GARRE1: variants seen among roughly 807,000 people sequenced by gnomAD.
The protein encoded by GARRE1 is granule associated Rac and RHOG effector 1.
A neutral mutation model predicts 103.2 loss-of-function variants in GARRE1; 49 were observed. That is an observed-to-expected ratio of 0.47 (90% confidence interval 0.38 to 0.60). The LOEUF is 0.60. Among genes scored for constraint, GARRE1 ranks in the 20% least tolerant of loss-of-function variants. GARRE1 has a pLI of 0.00. For synonymous variants in GARRE1, 505 were observed against 532.8 expected (o/e 0.95, Z 0.72); for missense variants, 1,199 against 1,370.5 (o/e 0.87, Z 1.98).
At chr19:34,275,830 G>A (rs1048012090) in intron 1 of GARRE1, among the ~76,000 whole-genome samples, 2 of 152,144 alleles carry the variant, frequency 1.3e-5, no homozygotes, top group Admixed American at 1.3e-4. Context: ...GTACCATTTT[G>A]TATTACCCTG....
chr19:34,319,944 A>G lies in GARRE1; in HGVS notation c.533A>G (p.His178Arg). The change falls in exon 3 of 14, where the codon CAT (histidine) becomes CGT (arginine). Residue 178 changes from histidine (H) to arginine (R), a missense_variant. His to Arg is a conservative substitution (Grantham distance 29). Transcript: ENST00000299505. ...GRCFLTVVQVHFQFLTHALQK... is the reference protein window; with the variant it reads ...GRCFLTVVQVRFQFLTHALQK... ...TGTTTCCTGACTGTGGTGCAAGTCC[A>G]TTTCCAGTTTTTGACTCATGCGTTA... is the stretch of plus-strand genomic sequence containing the variant. The G allele has an allele frequency of 6.2e-7, 1 of 1,614,200 alleles. No individual in the cohort carries two copies. The highest frequency in any genetic ancestry group is 8.5e-7 in the Non-Finnish European group (1 of 1,180,042).
rs977016546 is a variant in GARRE1 at position 34,353,090 on chromosome 19, T to C, written c.*135T>C. ...TGCGCCCCATCCCAGGGAGGGTTCCTTGGGGACAAGGGTGGTTGGCAGCTC... is the reference window on the plus strand; with the variant it reads ...TGCGCCCCATCCCAGGGAGGGTTCCCTGGGGACAAGGGTGGTTGGCAGCTC... On this transcript the variant is annotated 3_prime_UTR_variant, in exon 14 of 14. Coordinates refer to ENST00000299505, the MANE Select transcript of GARRE1 (RefSeq NM_014686.5). 2.4e-6 allele frequency: 2 copies of C among 833,540 alleles called. No homozygotes were observed. Among genetic ancestry groups the C allele is most frequent in the Non-Finnish European group, 3.6e-6 (2 of 550,664 alleles). 51.6% of individuals were successfully genotyped at this position (833,540 alleles called of 1,614,324 possible).
intron 2 of GARRE1, among the ~76,000 whole-genome samples, chr19:34,304,982 C>T (rs1404492564): frequency 1.3e-5 from 2 of 151,904 alleles, no homozygotes; most frequent in African/African-American, 4.8e-5. Context: ...TTAGTAGAAA[C>T]GGGGTTTCAC....
chr19:34,354,231 C>T lies in GARRE1; in HGVS notation c.*1276C>T, dbSNP rs1211165125. ...AGTATTAATATTTTTTTTATATTTT[C>T]TTAAATCATTAAACCATTTTAATAT... On this transcript the variant is annotated 3_prime_UTR_variant, in exon 14 of 14. Transcript: ENST00000299505. 6.6e-6 allele frequency: 1 copy of T among 151,936 alleles called. No homozygotes were observed. Among genetic ancestry groups the T allele is most frequent in the Non-Finnish European group, 1.5e-5 (1 of 67,948 alleles). The allele number at this position is 151,936 out of a possible 1,614,324, so 9.4% of individuals were successfully genotyped here. A position where few individuals can be genotyped will look rare whatever the true frequency, so the allele number is the denominator to read the frequency against.
At chr19:34,350,235 G>A (rs555783893) in intron 12 of GARRE1, among the ~76,000 whole-genome samples, 2 of 152,234 alleles carry the variant, frequency 1.3e-5, no homozygotes, top group South Asian at 2.1e-4. Flanking sequence ...GTGGGGAATC[G>A]GCAGTGGGGT....
rs144930090 is a variant in GARRE1, at chr19:34,352,824, G to A, written c.3082G>A (p.Ala1028Thr). The stretch of plus-strand genomic sequence containing the variant: ...GTGGGCCGCAACCAACGACTGCAGT[G>A]CCGCTGCCTTCTCCTATGTGCAGAC... ...PVWAATNDCS[A>T]AAFSYVQTPP... is the part of the protein sequence containing the mutation. The change falls in exon 14 of 14, where the codon GCC becomes ACC. Residue 1028 changes from alanine (A) to threonine (T), a missense_variant. Coordinates refer to ENST00000299505, the MANE Select transcript of GARRE1 (RefSeq NM_014686.5). 1 of 1,612,654 alleles carries A rather than the reference G, an allele frequency of 6.2e-7. No individual in the cohort carries two copies. The highest frequency in any genetic ancestry group is 8.5e-7 in the Non-Finnish European group (1 of 1,179,460).
At chr19:34,284,839 G>C (rs2073876703) in intron 1 of GARRE1, among the ~76,000 whole-genome samples, 1 of 152,176 alleles carries the variant, frequency 6.6e-6, no homozygotes, top group African/African-American at 2.4e-5. Flanking sequence ...TATGAGGGTG[G>C]AGAAGCATGT....
chr19:34,255,718 C>T (rs1008106327), intron 1 of GARRE1, among the ~76,000 whole-genome samples: 1 of 148,982 alleles, frequency 6.7e-6, no homozygotes, highest in East Asian at 2.0e-4. Flanking sequence ...AGGCTGGTCT[C>T]AAAACTTCTG....
At chr19:34,322,989 C>A (rs1039752708) in intron 3 of GARRE1, among the ~76,000 whole-genome samples, 1 of 146,820 alleles carries the variant, frequency 6.8e-6, no homozygotes, top group Admixed American at 6.8e-5. Context: ...TAGTTCAAAT[C>A]ATTCCATAAT....
intron 1 of GARRE1, among the ~76,000 whole-genome samples, chr19:34,275,246 A>G (rs1489414322): frequency 1.3e-5 from 2 of 151,608 alleles, no homozygotes. Flanking sequence ...CTTTATTGAA[A>G]TATAATTCAC....
intron 1 of GARRE1, among the ~76,000 whole-genome samples, chr19:34,294,022 A>G (rs1053442819): frequency 6.6e-6 from 1 of 151,924 alleles, no homozygotes; most frequent in Admixed American, 6.6e-5. Flanking sequence ...TCAGCCTCCC[A>G]AAGTGCTGGG....
At chr19:34,345,645 C>T (rs2074207564) in intron 10 of GARRE1, among the ~76,000 whole-genome samples, 1 of 152,028 alleles carries the variant, frequency 6.6e-6, no homozygotes, top group African/African-American at 2.4e-5. Context: ...CATGGCGAAA[C>T]CCCGTCTCTA....
chr19:34,278,643 A>G (rs1014679730), intron 1 of GARRE1, among the ~76,000 whole-genome samples: 19 of 151,984 alleles, frequency 1.3e-4, no homozygotes, highest in Middle Eastern at 3.4e-3. Flanking sequence ...TCCAAGGTTC[A>G]TCCATGTTGG....
intron 1 of GARRE1, 48 bp downstream of exon 1, chr19:34,254,662 C>CGGGCGGT (rs1029287961): frequency 3.2e-4 from 32 of 100,656 alleles, no homozygotes; most frequent in East Asian, 5.5e-4. Context: ...CGGGCGGGGT[C>CGGGCGGT]GGGCGGTGGG....
In GARRE1 at chr19:34,311,564, C is replaced by T. The variant is rs150341209; in HGVS notation, c.496-8343C>T. On this transcript the variant is annotated intron_variant, in intron 2 of 13. Coordinates refer to ENST00000299505, the MANE Select transcript of GARRE1 (RefSeq NM_014686.5). ...CGTCTCCATTCCAACCCTGGTCCATCTGCTCTGGATTTGTTTTACCTTAGA... is the reference window on the plus strand; with the variant it reads ...CGTCTCCATTCCAACCCTGGTCCATTTGCTCTGGATTTGTTTTACCTTAGA... Among the ~76,000 whole-genome samples, 190 of 152,298 alleles carry T rather than the reference C, an allele frequency of 1.2e-3. 2 individuals are homozygous for T. In the Middle Eastern group the frequency reaches 0.017, roughly 14 times the overall value.
At chr19:34,352,596 A>G in intron 13 of GARRE1, 51 bp from the exon 14 acceptor site, 1 of 1,488,272 alleles carries the variant, frequency 6.7e-7, no homozygotes, top group East Asian at 2.3e-5. Context: ...GAGGTGGGAA[A>G]TGATGATACA....
At position 34,349,086 on chromosome 19, in the gene GARRE1, G is replaced by C; in HGVS notation, c.2758G>C (p.Ala920Pro). The change falls in exon 12 of 14, where the codon GCC (alanine) becomes CCC (proline). Residue 920 changes from alanine (A) to proline (P), a missense_variant. By Grantham distance (27) the Ala-to-Pro change is conservative. Transcript: ENST00000299505. ...CAGCTCGAGTGATGAGACATCCTCA[G>C]CCAACGGGGACAGCTTGTTCTCCAT... The part of the protein sequence containing the change: ...SASSSDETSS[A>P]NGDSLFSMFS... The C allele has an allele frequency of 1.2e-6, 2 of 1,612,812 alleles. No individual in the cohort carries two copies. Among genetic ancestry groups the C allele is most frequent in the Non-Finnish European group, 1.7e-6 (2 of 1,180,010 alleles).
intron 1 of GARRE1, among the ~76,000 whole-genome samples, chr19:34,291,350 A>T (rs1047191159): frequency 6.6e-6 from 1 of 152,238 alleles, no homozygotes; most frequent in Non-Finnish European, 1.5e-5. Flanking sequence ...AAACTTATTT[A>T]TTATTATTAG....
At chr19:34,347,796 C>A (rs2074218841) in intron 10 of GARRE1, 81 bp from the exon 11 acceptor site, 5 of 1,309,430 alleles carry the variant, frequency 3.8e-6, no homozygotes, top group Middle Eastern at 1.9e-4. Context: ...GCATGTGTGA[C>A]CAGCACGTTA....
Sources: allele counts gnomAD v4.1 joint callset (sites outside exome capture counted in the v4.1 genomes callset), GRCh38; gene constraint gnomAD v4.1.1; transcripts MANE v1.5; gene names NCBI Gene and HGNC (gene_info 2026-07-23, HGNC 2026-07-21).